PCBP3: variants seen among roughly 807,000 people sequenced by gnomAD.
The protein encoded by PCBP3 is poly(rC) binding protein 3.
In PCBP3, 25 loss-of-function variants were observed where a neutral mutation model predicts 52.7. The observed-to-expected ratio is 0.47, with a 90% CI of 0.35 to 0.66. PCBP3 has a LOEUF of 0.66. Ranked by LOEUF, PCBP3 falls within the 30% of genes least tolerant of loss-of-function variation. The pLI is 0.01. For missense variants in PCBP3, 391 were observed against 490.3 expected (o/e 0.80, Z 1.91); for synonymous variants, 162 against 183.0 (o/e 0.89, Z 0.93).
intron 1 of PCBP3, among the ~76,000 whole-genome samples, chr21:45,662,816 T>C (rs57501220): frequency 0.26 from 39,767 of 151,954 alleles, 6,712 homozygotes; most frequent in African/African-American, 0.48. Flanking sequence ...CTAGCGGTAA[T>C]GCCAGTGTCT....
chr21:45,705,836 G>A (rs1171128697), intron 2 of PCBP3, among the ~76,000 whole-genome samples: 1 of 152,110 alleles, frequency 6.6e-6, no homozygotes, highest in Non-Finnish European at 1.5e-5. Context: ...GACCCCTGCT[G>A]TGAGCCCAGG....
intron 3 of PCBP3, chr21:45,751,681 G>T (rs2146337064): frequency 6.6e-6 from 1 of 152,442 alleles, no homozygotes; most frequent in South Asian, 2.1e-4. Flanking sequence ...CCTTAGCGGG[G>T]TGATTGCTGG....
At chr21:45,654,338 ATTT>A (rs398036499) in intron 1 of PCBP3, among the ~76,000 whole-genome samples, 3 of 109,406 alleles carry the variant, frequency 2.7e-5, no homozygotes, top group East Asian at 2.6e-4. Flanking sequence ...TAGACATTGC[ATTT>A]TTTTTTTTTT....
chr21:45,919,423 G>A (rs1199415542), intron 13 of PCBP3: 1 of 152,176 alleles, frequency 6.6e-6, no homozygotes. Context: ...AGATGAGAAG[G>A]CAGGTCAGGA....
intron 4 of PCBP3, among the ~76,000 whole-genome samples, chr21:45,769,565 T>C (rs1442187136): frequency 6.6e-6 from 1 of 152,242 alleles, no homozygotes; most frequent in Non-Finnish European, 1.5e-5. Context: ...GGTCTTGTGT[T>C]CCCCCTACAG....
chr21:45,779,053 G>A lies in PCBP3; in HGVS notation c.-126+23601G>A, dbSNP rs117250045. Among the ~76,000 whole-genome samples the A allele has an allele frequency of 7.8e-3, 1,192 of 152,336 alleles. 15 individuals are homozygous for A. The highest frequency in any genetic ancestry group is 0.017 in the Middle Eastern group (5 of 294). On this transcript the variant is annotated intron_variant, in intron 4 of 17. Transcript: ENST00000681687. The stretch of plus-strand genomic sequence containing the variant: ...ACTTGGTTCTTATCCTCAGCTGTGG[G>A]AGCACTCCCAGCTTGTTCCCCAGTC...
chr21:45,661,612 C>T (rs2147078255), intron 1 of PCBP3, among the ~76,000 whole-genome samples: 2 of 152,292 alleles, frequency 1.3e-5, no homozygotes, highest in South Asian at 4.1e-4. Flanking sequence ...GCTGTAATAA[C>T]ATACGAGTAC....
At chr21:45,772,637 C>G (rs1474868367) in intron 4 of PCBP3, among the ~76,000 whole-genome samples, 1 of 152,082 alleles carries the variant, frequency 6.6e-6, no homozygotes, top group Non-Finnish European at 1.5e-5. Context: ...TGAAAAATCT[C>G]TGTACTGTTT....
At chr21:45,710,427 T>C (rs1351454422) in intron 2 of PCBP3, among the ~76,000 whole-genome samples, 26 of 152,184 alleles carry the variant, frequency 1.7e-4, no homozygotes, top group Non-Finnish European at 1.0e-4. Flanking sequence ...GTCCTTGCGA[T>C]AGTTTGCTGA....
chr21:45,890,390 G>C (rs1272444093), intron 5 of PCBP3, among the ~76,000 whole-genome samples: 1 of 152,206 alleles, frequency 6.6e-6, no homozygotes, highest in East Asian at 1.9e-4. Flanking sequence ...CTGCGCTGCT[G>C]AGGGGAATGT....
At chr21:45,920,516 A>ACCTGGTGC (rs1284077785) in intron 13 of PCBP3, among the ~76,000 whole-genome samples, 1 of 152,196 alleles carries the variant, frequency 6.6e-6, no homozygotes, top group Non-Finnish European at 1.5e-5. Flanking sequence ...GATTTGAGAT[A>ACCTGGTGC]CCTGGTGCTA....
chr21:45,824,606 T>C (rs1029463444), intron 4 of PCBP3, among the ~76,000 whole-genome samples: 12 of 152,230 alleles, frequency 7.9e-5, no homozygotes, highest in Admixed American at 7.2e-4. Context: ...CTCCCTGCCC[T>C]GGTCTTGTCT....
chr21:45,707,978 A>T (rs2083565794), intron 2 of PCBP3, among the ~76,000 whole-genome samples: 2 of 152,144 alleles, frequency 1.3e-5, no homozygotes, highest in African/African-American at 4.8e-5. Flanking sequence ...GCTCAAGGTC[A>T]CTCCACTGGT....
chr21:45,765,501 C>T (rs917479115), intron 4 of PCBP3, among the ~76,000 whole-genome samples: 2 of 152,248 alleles, frequency 1.3e-5, no homozygotes, highest in Admixed American at 6.5e-5. Flanking sequence ...CGAATGTGCT[C>T]TCCCGGCGGG....
intron 1 of PCBP3, among the ~76,000 whole-genome samples, chr21:45,659,872 C>T (rs988185028): frequency 4.6e-5 from 7 of 152,072 alleles, no homozygotes; most frequent in Non-Finnish European, 1.0e-4. Flanking sequence ...AACACCTGGT[C>T]TGTTCTAGAG....
chr21:45,933,922 G>A (rs2076591104), intron 15 of PCBP3, among the ~76,000 whole-genome samples: 1 of 152,174 alleles, frequency 6.6e-6, no homozygotes, highest in African/African-American at 2.4e-5. Context: ...GGCAGAGGTG[G>A]TGGGGAGGAA....
chr21:45,928,334 C>T lies in PCBP3; in HGVS notation c.718-1583C>T, dbSNP rs2075750104. ...GCAGCGCAGATGCCACAATGCCCTGCCCCCCAGCCCAGACCTGGCTGCAAG... is the reference window on the plus strand; with the variant it reads ...GCAGCGCAGATGCCACAATGCCCTGTCCCCCAGCCCAGACCTGGCTGCAAG... On this transcript the variant is annotated intron_variant, in intron 13 of 17. Coordinates refer to ENST00000681687, the MANE Select transcript of PCBP3 (RefSeq NM_001384156.1). This position sits in a 1 kb window ranked among gnomAD's most constrained non-coding sequence, Gnocchi z 4.1. 2.0e-5 allele frequency among the ~76,000 whole-genome samples: 3 copies of T among 152,328 alleles called. No homozygotes were observed. Among genetic ancestry groups the T allele is most frequent in the Admixed American group, 1.3e-4 (2 of 15,308 alleles).
intron 2 of PCBP3, among the ~76,000 whole-genome samples, chr21:45,728,404 T>C (rs969405688): frequency 6.6e-6 from 1 of 152,220 alleles, no homozygotes; most frequent in African/African-American, 2.4e-5. Flanking sequence ...TAAAAAACAA[T>C]AGTAAGCCAG....
Position 45,896,251 on chromosome 21 carries a change from C to A in PCBP3, c.54C>A (p.Leu18=), listed in dbSNP as rs1029324744. The change falls in exon 6 of 18, where the codon CTC becomes CTA. Residue 18 remains leucine (L), a synonymous_variant. Coordinates refer to ENST00000681687, the MANE Select transcript of PCBP3 (RefSeq NM_001384156.1). ...CATCTGTCCTTCCTCACAGCACCCT[C>A]AGCACCTTAAGCCACCACCCTCAGC... ...WAPSVLPHST[L]STLSHHPQPQ... is the part of the protein sequence containing the mutation. 12 of 1,552,094 alleles carry A rather than the reference C, an allele frequency of 7.7e-6. No homozygotes were observed. The Admixed American group carries it at 7.8e-5, about 10-fold the overall frequency.
Sources: gnomAD v4.1 joint callset for allele counts (sites outside exome capture counted in the v4.1 genomes callset) on GRCh38, gnomAD v4.1.1 for gene constraint, Gnocchi (gnomAD v3.1) non-coding constraint, MANE v1.5 for transcripts, NCBI Gene and HGNC (gene_info 2026-07-23, HGNC 2026-07-21) for gene names.